The following KIAA1217 variants were observed in gnomAD, a reference collection of about 807,000 sequenced individuals.
KIAA1217 encodes KIAA1217, also known as sickle tail protein homolog.
KIAA1217 carries 88 observed loss-of-function variants against 163.9 expected under a neutral mutation model. The observed-to-expected ratio is 0.54, with a 90% CI of 0.45 to 0.64. The LOEUF (loss-of-function observed/expected upper bound fraction) is 0.64, where lower values mean the gene tolerates loss of function less well. KIAA1217 is among the 30% of genes least tolerant of loss of function. KIAA1217 has a pLI of 0.00. For missense variants in KIAA1217, 2,372 were observed against 2,475.0 expected, an observed-to-expected ratio of 0.96 and a Z score of 0.88; for synonymous variants, 903 against 923.1, an observed-to-expected ratio of 0.98 and a Z score of 0.39.
intron 3 of KIAA1217, among the ~76,000 whole-genome samples, chr10:24,417,703 G>A (rs1369459983): frequency 6.6e-6 from 1 of 152,004 alleles, no homozygotes; most frequent in African/African-American, 2.4e-5. Flanking sequence ...GGGAAGAAGT[G>A]GTACCCAAGG....
chr10:24,060,087 G>T (rs1323078212), intron 2 of KIAA1217, among the ~76,000 whole-genome samples: 1 of 151,082 alleles, frequency 6.6e-6, no homozygotes, highest in African/African-American at 2.4e-5. Flanking sequence ...TTTTTTCTTA[G>T]TCTAGCTAAA....
intron 2 of KIAA1217, among the ~76,000 whole-genome samples, chr10:24,105,377 T>C (rs2062584366): frequency 6.6e-6 from 1 of 152,154 alleles, no homozygotes; most frequent in African/African-American, 2.4e-5. Context: ...GAAGAGCAGG[T>C]GGAAGCCAGG....
intron 3 of KIAA1217, among the ~76,000 whole-genome samples, chr10:24,383,552 T>A (rs1431395815): frequency 6.6e-6 from 1 of 152,218 alleles, no homozygotes; most frequent in Non-Finnish European, 1.5e-5. Context: ...CAGCATCCTT[T>A]GCTGTAGAGT....
intron 1 of KIAA1217, among the ~76,000 whole-genome samples, chr10:23,994,092 A>G (rs1218771892): frequency 6.6e-6 from 1 of 152,178 alleles, no homozygotes; most frequent in African/African-American, 2.4e-5. Flanking sequence ...CCTAGAGGGA[A>G]AGAGGAGAAT....
rs111346303 is a variant in KIAA1217, at chr10:24,418,390, C to T, written c.554-14605C>T. Reference sequence around the variant, plus strand: ...GTATCTTTCTCCCCCAACTTGAGGACCAAACAGGTTGTGCCTTTTCAAAAA... The same window carrying T: ...GTATCTTTCTCCCCCAACTTGAGGATCAAACAGGTTGTGCCTTTTCAAAAA... On this transcript the variant is annotated intron_variant, in intron 3 of 20. Transcript: ENST00000376454. Among the ~76,000 whole-genome samples, 238 of 152,150 alleles carry T rather than the reference C, an allele frequency of 1.6e-3. 2 individuals are homozygous for T. Among genetic ancestry groups the T allele is most frequent in the African/African-American group, 5.3e-3 (221 of 41,518 alleles).
At chr10:24,086,562 A>T (rs998791304) in intron 2 of KIAA1217, among the ~76,000 whole-genome samples, 52 of 152,314 alleles carry the variant, frequency 3.4e-4, no homozygotes, top group Admixed American at 5.9e-4. Context: ...TGAACTTGGA[A>T]GAAAGCTTTA....
chr10:23,860,719 T>A (rs1001574854), intron 1 of KIAA1217, among the ~76,000 whole-genome samples: 1 of 152,150 alleles, frequency 6.6e-6, no homozygotes, highest in African/African-American at 2.4e-5. Context: ...GCTTTTAACC[T>A]GCTATGGGCA....
intron 1 of KIAA1217, among the ~76,000 whole-genome samples, chr10:23,945,691 A>AT (rs1481551963): frequency 2.0e-5 from 3 of 152,180 alleles, no homozygotes; most frequent in Non-Finnish European, 4.4e-5. Context: ...TTTAAATCAA[A>AT]TGTTGTTTAA....
chr10:23,891,864 C>T (rs564436065), intron 1 of KIAA1217, among the ~76,000 whole-genome samples: 2 of 152,030 alleles, frequency 1.3e-5, no homozygotes, highest in African/African-American at 4.8e-5. Flanking sequence ...TGCTTCTGTA[C>T]TTCATGAAGA....
chr10:24,338,744 A>G (rs1361565389), intron 2 of KIAA1217, among the ~76,000 whole-genome samples: 1 of 152,196 alleles, frequency 6.6e-6, no homozygotes, highest in South Asian at 2.1e-4. Flanking sequence ...AATTTGAGGC[A>G]TTTTAAGATT....
intron 13 of KIAA1217, among the ~76,000 whole-genome samples, chr10:24,527,232 C>G (rs749021512): frequency 9.9e-5 from 15 of 151,734 alleles, no homozygotes; most frequent in Non-Finnish European, 2.1e-4. Context: ...TACTAAGACA[C>G]AGGATTTTTG....
At chr10:24,303,884 T>A (rs150648843) in intron 2 of KIAA1217, among the ~76,000 whole-genome samples, 20 of 152,334 alleles carry the variant, frequency 1.3e-4, no homozygotes, top group African/African-American at 4.6e-4. Flanking sequence ...ATCTTCATAT[T>A]CTTTTTCATC....
intron 2 of KIAA1217, among the ~76,000 whole-genome samples, chr10:24,348,503 G>C (rs1248153423): frequency 3.3e-5 from 5 of 152,088 alleles, no homozygotes; most frequent in Admixed American, 3.3e-4. Flanking sequence ...ATCCTAATAT[G>C]TAATCCATTA....
intron 1 of KIAA1217, among the ~76,000 whole-genome samples, chr10:23,927,048 C>G (rs71493355): frequency 0.2 from 30,355 of 151,528 alleles, 3,298 homozygotes; most frequent in Middle Eastern, 0.27. Context: ...CCTGGATCCA[C>G]AGGCATGTAC....
At chr10:24,006,725 G>GCATGAC (rs1209248185) in intron 1 of KIAA1217, among the ~76,000 whole-genome samples, 2 of 152,170 alleles carry the variant, frequency 1.3e-5, no homozygotes, top group Non-Finnish European at 2.9e-5. Flanking sequence ...ACTCCCATGA[G>GCATGAC]CATGACCATG....
Position 24,135,223 on chromosome 10 carries a change from T to C in KIAA1217, c.-170-84403T>C, listed in dbSNP as rs376835838. Among the ~76,000 whole-genome samples the C allele has an allele frequency of 5.9e-5, 9 of 152,310 alleles. No individual in the cohort carries two copies. In the East Asian group the frequency reaches 1.7e-3, roughly 29 times the overall value. On this transcript the variant is annotated intron_variant, in intron 2 of 18. Coordinates refer to the KIAA1217 transcript ENST00000376462. ...AGGATGGAGATTCCAAGCAGCGGGC[T>C]GCCACACCAGTGATGGTCCCCGTCT...
intron 1 of KIAA1217, among the ~76,000 whole-genome samples, chr10:23,718,339 T>C (rs1418021136): frequency 6.6e-6 from 1 of 152,240 alleles, no homozygotes. Context: ...TTTGGAAATA[T>C]TTAAATGTAG....
At chr10:24,032,699 A>G (rs1374234863) in intron 2 of KIAA1217, among the ~76,000 whole-genome samples, 6 of 152,206 alleles carry the variant, frequency 3.9e-5, no homozygotes, top group Admixed American at 3.9e-4. Context: ...ATCTGAATAT[A>G]TATTACTGTT....
intron 1 of KIAA1217, among the ~76,000 whole-genome samples, chr10:23,874,270 A>G (rs1375179233): frequency 6.6e-6 from 1 of 151,912 alleles, no homozygotes. Flanking sequence ...CTTGAATACC[A>G]TATGTTTTAT....
Sources: allele counts gnomAD v4.1 joint callset (sites outside exome capture counted in the v4.1 genomes callset), GRCh38; gene constraint gnomAD v4.1.1; transcripts MANE v1.5; gene names NCBI Gene and HGNC (gene_info 2026-07-23, HGNC 2026-07-21).